GBX1: variants seen among roughly 807,000 people sequenced by gnomAD.
GBX1 encodes the protein homeobox protein GBX-1.
A neutral mutation model predicts 22.9 loss-of-function variants in GBX1; 9 were observed. That is an observed-to-expected ratio of 0.39 (90% confidence interval 0.24 to 0.69). GBX1 has a LOEUF of 0.69. Among genes scored for constraint, GBX1 ranks in the 30% least tolerant of loss-of-function variants. The pLI is 0.43. For synonymous variants in GBX1, 203 were observed against 227.3 expected, an observed-to-expected ratio of 0.89 and a Z score of 0.96; for missense variants, 494 against 509.2, an observed-to-expected ratio of 0.97 and a Z score of 0.29.
At chr7:151,150,019 G>A (rs1444142349) in intron 1 of GBX1, 1 of 448,928 alleles carries the variant, frequency 2.2e-6, no homozygotes, top group Admixed American at 2.4e-5. Flanking sequence ...TCAGCTGGGA[G>A]GACTGGAAGG....
At chr7:151,150,837 A>T (rs1400048838) in intron 1 of GBX1, among the ~76,000 whole-genome samples, 1 of 152,026 alleles carries the variant, frequency 6.6e-6, no homozygotes, top group Non-Finnish European at 1.5e-5. Context: ...GGCTCAAGGG[A>T]TCCTCCACCC....
chr7:151,166,973 C>A, intron 1 of GBX1, 38 bp downstream of exon 1: 1 of 1,592,328 alleles, frequency 6.3e-7, no homozygotes, highest in East Asian at 2.3e-5. Context: ...TCCAGGTGAA[C>A]CGGCCTCCCG....
intron 1 of GBX1, among the ~76,000 whole-genome samples, chr7:151,155,779 C>G (rs894594641): frequency 2.0e-5 from 3 of 152,132 alleles, no homozygotes; most frequent in Admixed American, 6.5e-5. Flanking sequence ...CATTTACTAT[C>G]TTATCTTCAA....
At chr7:151,156,494 T>G (rs549857906) in intron 1 of GBX1, among the ~76,000 whole-genome samples, 146 of 149,922 alleles carry the variant, frequency 9.7e-4, no homozygotes, top group African/African-American at 3.5e-3. Flanking sequence ...ATCATTAATA[T>G]CTTCCCTTAA....
chr7:151,156,022 CT>C (rs1368618976), intron 1 of GBX1, among the ~76,000 whole-genome samples: 55 of 152,260 alleles, frequency 3.6e-4, no homozygotes, highest in Non-Finnish European at 1.2e-4. Context: ...TCCTCTCCCA[CT>C]TGTAAAAGCC....
In GBX1 at chr7:151,164,980, C is replaced by A. The variant is rs182167177; in HGVS notation, c.538+2031G>T. 6.2e-3 allele frequency among the ~76,000 whole-genome samples: 938 copies of A among 151,918 alleles called. 6 individuals are homozygous for A. Among genetic ancestry groups the A allele is most frequent in the South Asian group, 0.024 (116 of 4,808 alleles). ...TCTCATGACAGAACTCTTACACACA[C>A]ACACACAAACACACACACACATACA... On this transcript the variant is annotated intron_variant, in intron 1 of 1. Transcript: ENST00000297537.
chr7:151,162,373 G>A (rs752048775), intron 1 of GBX1, among the ~76,000 whole-genome samples: 5 of 152,098 alleles, frequency 3.3e-5, no homozygotes, highest in Non-Finnish European at 4.4e-5. Flanking sequence ...TCATCCAAAT[G>A]TTCCCTAGCT....
intron 1 of GBX1, among the ~76,000 whole-genome samples, chr7:151,154,925 G>T (rs1054327047): frequency 6.6e-6 from 1 of 152,196 alleles, no homozygotes; most frequent in African/African-American, 2.4e-5. Flanking sequence ...AGGGAGGCCT[G>T]CGCTAGAGGC....
Position 151,148,964 on chromosome 7 carries a change from G to C in GBX1, c.717C>G (p.Ser239Arg), listed in dbSNP as rs548106872. The change falls in exon 2 of 2, where the codon AGC becomes AGG. Residue 239 changes from serine to arginine, a missense_variant. Physicochemically the swap from Ser to Arg is moderately radical, Grantham distance 110. Transcript: ENST00000297537. This position sits in a 1 kb window ranked among gnomAD's most constrained non-coding sequence, Gnocchi z 5.1. ...LLGPKPKLKGSLGTGAEEGAP... is the reference protein window; with the variant it reads ...LLGPKPKLKGRLGTGAEEGAP... ...CCCCCTCCTCAGCTCCAGTCCCCAG[G>C]CTTCCCTTTAGCTTCGGTTTAGGTC... 6.2e-7 allele frequency: 1 copy of C among 1,613,916 alleles called. No individual in the cohort carries two copies. Among genetic ancestry groups the C allele is most frequent in the South Asian group, 1.1e-5 (1 of 91,060 alleles).
chr7:151,154,476 T>C, intron 1 of GBX1, among the ~76,000 whole-genome samples: 1 of 152,202 alleles, frequency 6.6e-6, no homozygotes, highest in East Asian at 1.9e-4. Context: ...GAGGATGATA[T>C]TATTGGTAAT....
In GBX1 at chr7:151,162,334, TG is replaced by T. The variant is rs1801195422; in HGVS notation, c.538+4676del. On this transcript the variant is annotated intron_variant, in intron 1 of 1. Transcript: ENST00000297537. The stretch of plus-strand genomic sequence containing the variant: ...AAATATCATATCTTGACAATCATAA[TG>T]GATACCTATTCAGAAATTAATTAAT... Among the ~76,000 whole-genome samples the T allele has an allele frequency of 2.0e-5, 3 of 152,350 alleles. No homozygotes were observed. In the South Asian group the frequency reaches 6.2e-4, roughly 32 times the overall value.
At chr7:151,152,080 A>C (rs1194523702) in intron 1 of GBX1, among the ~76,000 whole-genome samples, 1 of 152,238 alleles carries the variant, frequency 6.6e-6, no homozygotes, top group Non-Finnish European at 1.5e-5. Flanking sequence ...TCGTGAAAGT[A>C]GGTATTCTGA....
chr7:151,154,155 G>A (rs950253840), intron 1 of GBX1, among the ~76,000 whole-genome samples: 16 of 152,052 alleles, frequency 1.1e-4, no homozygotes, highest in African/African-American at 3.9e-4. Flanking sequence ...GGATTGCAGT[G>A]AGCAGAGAGC....
At chr7:151,152,407 G>A (rs1193795344) in intron 1 of GBX1, among the ~76,000 whole-genome samples, 1 of 152,114 alleles carries the variant, frequency 6.6e-6, no homozygotes, top group African/African-American at 2.4e-5. Flanking sequence ...GAATCTATAG[G>A]ATCTTAAAAA....
chr7:151,154,436 AACAG>A (rs1024962487), intron 1 of GBX1, among the ~76,000 whole-genome samples: 3 of 152,252 alleles, frequency 2.0e-5, no homozygotes, highest in Non-Finnish European at 4.4e-5. Flanking sequence ...AAGTAGGCCA[AACAG>A]ACAGAAAGGT....
chr7:151,167,439 C>A lies in GBX1; in HGVS notation c.110G>T (p.Arg37Leu). The A allele has an allele frequency of 6.6e-7, 1 of 1,509,272 alleles. No homozygotes were observed. The highest frequency in any genetic ancestry group is 8.8e-7 in the Non-Finnish European group (1 of 1,131,818). 93.5% of individuals were successfully genotyped at this position (1,509,272 alleles called of 1,614,324 possible). Residue 37 changes from arginine to leucine, a missense_variant, in exon 1 of 2, where the codon CGC (arginine) becomes CTC (leucine). Physicochemically the swap from Arg to Leu is moderately radical, Grantham distance 102. Transcript: ENST00000297537. This position sits in a 1 kb window ranked among gnomAD's most constrained non-coding sequence, Gnocchi z 5.9. ...GCCGGTGTACAGCAAGTGGCCGGAGCGCGGCGGCGGCGGCCCGATTAGGGA... is the reference window on the plus strand; with the variant it reads ...GCCGGTGTACAGCAAGTGGCCGGAGAGCGGCGGCGGCGGCCCGATTAGGGA... ...IDSLIGPPPPRSGHLLYTGYP... is the reference protein window; with the variant it reads ...IDSLIGPPPPLSGHLLYTGYP...
In GBX1 at chr7:151,149,066, C is replaced by T. The variant is rs929121443; in HGVS notation, c.615G>A (p.Glu205=). Residue 205 remains glutamate, a synonymous_variant, in exon 2 of 2, where the codon GAG becomes GAA. Transcript: ENST00000297537. ...CGCTGTCACCGCCTGAGCCCTCTTC[C>T]TCCTGTTCGCTGCCTGCTGGGTCTC... ...SAGDPAGSEQ[E]EEGSGGDSED... The T allele has an allele frequency of 1.2e-5, 19 of 1,613,542 alleles. No individual in the cohort carries two copies. Among genetic ancestry groups the T allele is most frequent in the Non-Finnish European group, 1.5e-5 (18 of 1,180,038 alleles).
rs542940263 is a variant in GBX1, at chr7:151,151,201, C to A, written c.539-2059G>T. Among the ~76,000 whole-genome samples, 14 of 152,284 alleles carry A rather than the reference C, an allele frequency of 9.2e-5. No homozygotes were observed. The South Asian group carries it at 2.7e-3, about 29-fold the overall frequency. ...CATGCGGCATGCCCCAGTTTGGGCT[C>A]CCCCAGTCTTCCCATGCCACTCCTG... On this transcript the variant is annotated intron_variant, in intron 1 of 1. Transcript: ENST00000297537.
rs1370299745 is a variant in GBX1 at position 151,167,200 on chromosome 7, C to G, written c.349G>C (p.Gly117Arg). 3 of 1,567,062 alleles carry G rather than the reference C, an allele frequency of 1.9e-6. No individual in the cohort carries two copies. Among genetic ancestry groups the G allele is most frequent in the Non-Finnish European group, 2.6e-6 (3 of 1,158,764 alleles). Residue 117 changes from glycine to arginine, a missense_variant, in exon 1 of 2, where the codon GGG becomes CGG. Transcript: ENST00000297537. The surrounding 1 kb of genome is among the most constrained non-coding windows in gnomAD (Gnocchi z 5.9). ...GCGGCGGCGGCGAGCTCCTGGGGCC[C>G]GTAGAAAGCGTCGGGCGGCTCCGCG... ...SFAEPPDAFY[G>R]PQELAAAAAA... is the part of the protein sequence containing the mutation.
Sources: allele counts gnomAD v4.1 joint callset (sites outside exome capture counted in the v4.1 genomes callset), GRCh38; gene constraint gnomAD v4.1.1; non-coding constraint Gnocchi (gnomAD v3.1); transcripts MANE v1.5; gene names NCBI Gene and HGNC (gene_info 2026-07-23, HGNC 2026-07-21).